The following CPLANE1 variants were observed in gnomAD, a reference collection of about 807,000 sequenced individuals.
CPLANE1 encodes ciliogenesis and planar polarity effector 1.
A neutral mutation model predicts 362.5 loss-of-function variants in CPLANE1; 263 were observed. The observed-to-expected ratio is 0.73, with a 90% CI of 0.66 to 0.80. The LOEUF (loss-of-function observed/expected upper bound fraction) is 0.80, where lower values mean the gene tolerates loss of function less well. Among genes scored for constraint, CPLANE1 ranks in the 30% least tolerant of loss-of-function variants. The pLI is 0.00. For missense variants in CPLANE1, 3,461 were observed against 3,793.4 expected (o/e 0.91, Z 2.30); for synonymous variants, 1,212 against 1,302.6 (o/e 0.93, Z 1.50).
intron 12 of CPLANE1, among the ~76,000 whole-genome samples, chr5:37,225,170 A>G (rs1026352436): frequency 5.5e-4 from 83 of 152,002 alleles, no homozygotes; most frequent in African/African-American, 2.0e-3. Flanking sequence ...CCTGGGTTCA[A>G]GCAATCCTCC....
chr5:37,087,711 C>T, the CPLANE1 span, among the ~76,000 whole-genome samples: 4 of 152,234 alleles, frequency 2.6e-5, no homozygotes, highest in African/African-American at 9.6e-5. Flanking sequence ...CCGCCTCAGC[C>T]TCCAAAAGTG....
Position 37,179,454 on chromosome 5 carries a change from G to C in CPLANE1, c.5738-11C>G. On this transcript the variant is annotated splice_polypyrimidine_tract_variant and intron_variant, in intron 28 of 52. Coordinates refer to ENST00000651892, the MANE Select transcript of CPLANE1 (RefSeq NM_001384732.1). ...ATTCTTCAATGTCTTCTAGCGATAAGTGAAGATGAAGAGAAAACTGATCAT... is the reference window on the plus strand; with the variant it reads ...ATTCTTCAATGTCTTCTAGCGATAACTGAAGATGAAGAGAAAACTGATCAT... 6.3e-7 allele frequency: 1 copy of C among 1,590,886 alleles called. No homozygotes were observed. Among genetic ancestry groups the C allele is most frequent in the Non-Finnish European group, 8.6e-7 (1 of 1,164,662 alleles).
rs991002426 is a variant in CPLANE1, at chr5:37,167,313, CTG to C, written c.7234-102_7234-101del. 6 of 905,828 alleles carry C rather than the reference CTG, an allele frequency of 6.6e-6. No homozygotes were observed. The Admixed American group carries it at 8.5e-5, about 13-fold the overall frequency. 56.1% of individuals were successfully genotyped at this position (905,828 alleles called of 1,614,324 possible). A position where few individuals can be genotyped will look rare whatever the true frequency, so the allele number is the denominator to read the frequency against. On this transcript the variant is annotated intron_variant, in intron 34 of 52. Transcript: ENST00000651892. ...GAAAAATACATTTGTTTAAATTAAA[CTG>C]TGCAACAGTTAGAACAAATCAAATA...
At chr5:37,246,825 T>C (rs1187806684) in intron 2 of CPLANE1, among the ~76,000 whole-genome samples, 6 of 152,076 alleles carry the variant, frequency 3.9e-5, no homozygotes, top group African/African-American at 7.2e-5. Flanking sequence ...AGACAATCGC[T>C]TGAACCTGGG....
chr5:37,203,117 C>A (rs1789684486), intron 18 of CPLANE1, among the ~76,000 whole-genome samples: 1 of 152,036 alleles, frequency 6.6e-6, no homozygotes, highest in Non-Finnish European at 1.5e-5. Context: ...GTATACAGTT[C>A]AATAAAATTA....
At chr5:37,094,051 T>C in the CPLANE1 span, among the ~76,000 whole-genome samples, 2 of 152,088 alleles carry the variant, frequency 1.3e-5, no homozygotes, top group South Asian at 4.1e-4. Context: ...GGAGACCAGG[T>C]TGATTACCCT....
chr5:37,210,182 G>C, intron 16 of CPLANE1: 1 of 1,371,566 alleles, frequency 7.3e-7, no homozygotes. Flanking sequence ...GAATTCAAAA[G>C]CACCAAGAGA....
chr5:37,171,971 TTTTG>T (rs147395538), intron 32 of CPLANE1, among the ~76,000 whole-genome samples: 2,540 of 152,086 alleles, frequency 0.017, 73 homozygotes, highest in African/African-American at 0.059. Context: ...CTTTTTGAGT[TTTTG>T]TTTGTTTGTT....
At chr5:37,199,959 C>T (rs1788662536) in intron 19 of CPLANE1, among the ~76,000 whole-genome samples, 1 of 152,310 alleles carries the variant, frequency 6.6e-6, no homozygotes, top group East Asian at 1.9e-4. Flanking sequence ...ATAATTTTGC[C>T]ACTTCTCTTT....
At chr5:37,173,715 C>T in intron 32 of CPLANE1, 40 bp downstream of exon 32, 1 of 1,503,866 alleles carries the variant, frequency 6.6e-7, no homozygotes, top group Non-Finnish European at 9.2e-7. Flanking sequence ...TACATGTACA[C>T]TATGTGTAGA....
At chr5:37,172,088 AGGT>A (rs1779962826) in intron 32 of CPLANE1, among the ~76,000 whole-genome samples, 2 of 152,186 alleles carry the variant, frequency 1.3e-5, no homozygotes, top group African/African-American at 4.8e-5. Context: ...CTAGGATTAC[AGGT>A]ATGAGCCACC....
At chr5:37,187,600 T>A in intron 22 of CPLANE1, 28 bp from the exon 23 acceptor site, 1 of 1,591,692 alleles carries the variant, frequency 6.3e-7, no homozygotes, top group Non-Finnish European at 8.5e-7. Context: ...AACATTCATT[T>A]CCTTTTTAGT....
At chr5:37,121,349 G>GT (rs1762570794) in intron 49 of CPLANE1, among the ~76,000 whole-genome samples, 1 of 152,110 alleles carries the variant, frequency 6.6e-6, no homozygotes, top group Non-Finnish European at 1.5e-5. Context: ...AATAAAACAG[G>GT]ACTGCACAGA....
intron 21 of CPLANE1, among the ~76,000 whole-genome samples, chr5:37,194,189 T>C (rs1193598189): frequency 6.6e-6 from 1 of 152,136 alleles, no homozygotes; most frequent in Admixed American, 6.6e-5. Flanking sequence ...CCCAAAGTGC[T>C]GGGATTACAG....
intron 51 of CPLANE1, among the ~76,000 whole-genome samples, chr5:37,113,686 G>A (rs1185792670): frequency 5.9e-5 from 9 of 152,108 alleles, no homozygotes; most frequent in Non-Finnish European, 1.0e-4. Flanking sequence ...AAAGAGATGG[G>A]GTAAACTGAA....
chr5:37,189,497 A>AT (rs1784903130), intron 21 of CPLANE1, among the ~76,000 whole-genome samples: 1 of 152,156 alleles, frequency 6.6e-6, no homozygotes, highest in Middle Eastern at 3.2e-3. Flanking sequence ...TCATTATTTC[A>AT]TATTTCACAG....
In CPLANE1 at chr5:37,183,505, C is replaced by G. The variant is rs746797181; in HGVS notation, c.4676G>C (p.Ser1559Thr). 1 of 1,613,610 alleles carries G rather than the reference C, an allele frequency of 6.2e-7. No individual in the cohort carries two copies. Among genetic ancestry groups the G allele is most frequent in the Non-Finnish European group, 8.5e-7 (1 of 1,179,674 alleles). ...EYIKFLDLFLSYILERDLPYS... is the reference protein window; with the variant it reads ...EYIKFLDLFLTYILERDLPYS... ...AGGTAGGTCTCTTTCAAGAATGTAA[C>G]TCAAAAACAGATCAAGGAATTTAAT... The change falls in exon 26 of 53, where the codon AGT (serine) becomes ACT (threonine). Residue 1559 changes from serine to threonine, a missense_variant. By Grantham distance (58) the Ser-to-Thr change is moderately conservative. Coordinates refer to ENST00000651892, the MANE Select transcript of CPLANE1 (RefSeq NM_001384732.1).
intron 16 of CPLANE1, chr5:37,212,166 T>G (rs1161944659): frequency 8.6e-7 from 1 of 1,168,124 alleles, no homozygotes; most frequent in Non-Finnish European, 1.3e-6. Context: ...GGAAAATGAA[T>G]TAGAAATGAG....
intron 42 of CPLANE1, among the ~76,000 whole-genome samples, chr5:37,151,182 T>A (rs1405427769): frequency 6.6e-6 from 1 of 152,216 alleles, no homozygotes; most frequent in East Asian, 1.9e-4. Flanking sequence ...TACCTCTAAG[T>A]AATGCTCATA....
Sources: allele counts gnomAD v4.1 joint callset (sites outside exome capture counted in the v4.1 genomes callset), GRCh38; gene constraint gnomAD v4.1.1; transcripts MANE v1.5; gene names NCBI Gene and HGNC (gene_info 2026-07-23, HGNC 2026-07-21).